Variants in DPP6 observed in about 807,000 individuals in gnomAD.
DPP6 encodes the protein dipeptidyl peptidase like 6.
In DPP6, 69 loss-of-function variants were observed where a neutral mutation model predicts 122.6. The ratio of observed to expected loss-of-function variants is 0.56; its 90% confidence interval spans 0.46 to 0.69. DPP6 has a LOEUF of 0.69. DPP6 is among the 30% of genes least tolerant of loss of function. DPP6 has a pLI of 0.00. For missense variants in DPP6, 928 were observed against 1,116.9 expected, an observed-to-expected ratio of 0.83 and a Z score of 2.41; for synonymous variants, 418 against 433.1, an observed-to-expected ratio of 0.97 and a Z score of 0.43.
intron 1 of DPP6, among the ~76,000 whole-genome samples, chr7:153,980,178 C>CT (rs1204375184): frequency 1.3e-4 from 19 of 151,736 alleles, no homozygotes; most frequent in Admixed American, 2.0e-4. Flanking sequence ...TGGTCCTGGG[C>CT]TTTTTTTTGG....
At chr7:154,574,979 G>A in intron 5 of DPP6, among the ~76,000 whole-genome samples, 1 of 143,870 alleles carries the variant, frequency 7.0e-6, no homozygotes, top group Middle Eastern at 4.1e-3. Flanking sequence ...TGTGTGGTGT[G>A]CTGTGTGTGT....
At chr7:154,383,940 C>A (rs1813858457) in intron 1 of DPP6, among the ~76,000 whole-genome samples, 1 of 150,746 alleles carries the variant, frequency 6.6e-6, no homozygotes, top group Non-Finnish European at 1.5e-5. Flanking sequence ...TAATACCCAT[C>A]TCTTCGATTC....
intron 8 of DPP6, among the ~76,000 whole-genome samples, chr7:154,740,285 G>A (rs75058476): frequency 0.012 from 1,845 of 150,572 alleles, 14 homozygotes; most frequent in Non-Finnish European, 0.019. Context: ...GACACCCTTG[G>A]GAACTCTAAT....
intron 16 of DPP6, among the ~76,000 whole-genome samples, chr7:154,816,428 A>G (rs559792390): frequency 4.6e-5 from 7 of 152,316 alleles, no homozygotes; most frequent in South Asian, 2.1e-4. Flanking sequence ...AACATTATAT[A>G]TATGGGGTTC....
rs976083455 is a variant in DPP6 at position 154,267,722 on chromosome 7, T to G, written c.244-178492T>G. On this transcript the variant is annotated intron_variant, in intron 1 of 25. Coordinates refer to ENST00000377770, the MANE Select transcript of DPP6 (RefSeq NM_130797.4). ...ACATATACACACGTATATGCACACA[T>G]ACATATATATGTGTGTGTATATATT... 2.0e-4 allele frequency among the ~76,000 whole-genome samples: 24 copies of G among 122,530 alleles called. No homozygotes were observed. The East Asian group carries it at 5.7e-3, about 29-fold the overall frequency. The allele number at this position is 122,530 out of a possible 152,430, so 80.4% of individuals were successfully genotyped here. A position where few individuals can be genotyped will look rare whatever the true frequency, so the allele number is the denominator to read the frequency against.
Position 154,607,070 on chromosome 7 carries a change from G to A in DPP6, c.628-30751G>A, listed in dbSNP as rs552871304. Among the ~76,000 whole-genome samples the A allele has an allele frequency of 5.8e-5, 7 of 121,224 alleles. 2 individuals carry two copies. Among genetic ancestry groups the A allele is most frequent in the East Asian group, 3.6e-4 (1 of 2,766 alleles). 79.5% of individuals were successfully genotyped at this position (121,224 alleles called of 152,430 possible). On this transcript the variant is annotated intron_variant, in intron 5 of 25. Transcript: ENST00000377770. The stretch of plus-strand genomic sequence containing the variant: ...TGCAAGTAGCTGCATGAAATGCCAC[G>A]CGATGCCAATCATCTCCACATGAGC...
chr7:154,398,690 G>A (rs1463468485), intron 1 of DPP6, among the ~76,000 whole-genome samples: 1 of 152,116 alleles, frequency 6.6e-6, no homozygotes, highest in Non-Finnish European at 1.5e-5. Flanking sequence ...AAAATGAGGT[G>A]TGCCAGGTGC....
intron 5 of DPP6, among the ~76,000 whole-genome samples, chr7:154,633,120 T>A (rs1835507182): frequency 6.6e-6 from 1 of 152,236 alleles, no homozygotes; most frequent in Non-Finnish European, 1.5e-5. Context: ...CATGAACTTC[T>A]AAAAAATGGC....
chr7:154,183,720 TCAC>T (rs1798211901), intron 1 of DPP6, among the ~76,000 whole-genome samples: 2 of 152,064 alleles, frequency 1.3e-5, no homozygotes, highest in Non-Finnish European at 2.9e-5. Context: ...GACAATTAGG[TCAC>T]CACAACACCG....
intron 1 of DPP6, among the ~76,000 whole-genome samples, chr7:154,029,471 C>G (rs768589573): frequency 4.6e-5 from 7 of 151,192 alleles, no homozygotes; most frequent in African/African-American, 1.7e-4. Flanking sequence ...GAGCTGAGAT[C>G]GCACCACTGT....
intron 1 of DPP6, among the ~76,000 whole-genome samples, chr7:153,984,972 T>C (rs1796770219): frequency 6.6e-6 from 1 of 152,208 alleles, no homozygotes; most frequent in South Asian, 2.1e-4. Flanking sequence ...TGTGTCTTCA[T>C]TCCCCAAGCT....
At chr7:153,989,361 G>T (rs62484247) in intron 1 of DPP6, among the ~76,000 whole-genome samples, 1 of 150,448 alleles carries the variant, frequency 6.6e-6, no homozygotes, top group Admixed American at 6.6e-5. Context: ...GTGTGGGGGA[G>T]TGAGTATGGG....
chr7:154,591,146 C>T (rs1263247240), intron 5 of DPP6, among the ~76,000 whole-genome samples: 1 of 152,204 alleles, frequency 6.6e-6, no homozygotes, highest in Non-Finnish European at 1.5e-5. Context: ...GCCACAAGGG[C>T]CACTGGAGAA....
At chr7:154,184,736 A>C (rs556643854) in intron 1 of DPP6, among the ~76,000 whole-genome samples, 3 of 151,480 alleles carry the variant, frequency 2.0e-5, no homozygotes, top group Non-Finnish European at 2.9e-5. Flanking sequence ...AGAGATACAC[A>C]CATTATCTTA....
intron 1 of DPP6, among the ~76,000 whole-genome samples, chr7:154,370,045 C>T (rs1442052693): frequency 6.6e-6 from 1 of 151,786 alleles, no homozygotes; most frequent in Non-Finnish European, 1.5e-5. Context: ...TGCAATAGCA[C>T]AATCTTGGCT....
At chr7:154,276,605 T>A (rs1804154292) in intron 1 of DPP6, among the ~76,000 whole-genome samples, 1 of 152,146 alleles carries the variant, frequency 6.6e-6, no homozygotes, top group African/African-American at 2.4e-5. Context: ...TGCTCAGCTT[T>A]AAGTGAGGAG....
chr7:153,762,788 A>C, the DPP6 span, among the ~76,000 whole-genome samples: 1 of 152,058 alleles, frequency 6.6e-6, no homozygotes, highest in South Asian at 2.1e-4. Flanking sequence ...CTCAAAAAAA[A>C]TAATAATAAA....
the DPP6 span, among the ~76,000 whole-genome samples, chr7:153,833,483 G>A: frequency 7.9e-3 from 1,198 of 152,234 alleles, 11 homozygotes; most frequent in African/African-American, 0.027. Flanking sequence ...AGACCAGCCT[G>A]GCCAACATGG....
At chr7:154,320,959 G>A (rs1254901848) in intron 1 of DPP6, among the ~76,000 whole-genome samples, 1 of 152,000 alleles carries the variant, frequency 6.6e-6, no homozygotes, top group Non-Finnish European at 1.5e-5. Context: ...AGACTTCTAG[G>A]CACAAAGGAT....
Sources: allele counts gnomAD v4.1 joint callset (sites outside exome capture counted in the v4.1 genomes callset), GRCh38; gene constraint gnomAD v4.1.1; transcripts MANE v1.5; gene names NCBI Gene and HGNC (gene_info 2026-07-23, HGNC 2026-07-21).